C8orf34: variants seen among roughly 807,000 people sequenced by gnomAD.
C8orf34 encodes chromosome 8 open reading frame 34.
A neutral mutation model predicts 68.3 loss-of-function variants in C8orf34; 65 were observed. The observed-to-expected ratio is 0.95, with a 90% CI of 0.78 to 1.17. The LOEUF is 1.17. Among genes scored for constraint, C8orf34 ranks in the 50% most tolerant of loss-of-function variants. The pLI is 0.00. For synonymous variants in C8orf34, 244 were observed against 241.2 expected, an observed-to-expected ratio of 1.01 and a Z score of -0.11; for missense variants, 664 against 655.4, an observed-to-expected ratio of 1.01 and a Z score of -0.14.
At chr8:68,780,862 C>T (rs1823655191) in intron 11 of C8orf34, among the ~76,000 whole-genome samples, 2 of 152,106 alleles carry the variant, frequency 1.3e-5, no homozygotes, top group East Asian at 3.9e-4. Context: ...TAGCTGTGTA[C>T]ATAAAGGGAA....
chr8:68,608,926 G>A (rs927227499), intron 7 of C8orf34, among the ~76,000 whole-genome samples: 3 of 152,092 alleles, frequency 2.0e-5, no homozygotes, highest in Admixed American at 1.3e-4. Context: ...CCAGCATTTT[G>A]GGGGGCCAAG....
At chr8:68,810,508 T>A (rs2129529911) in intron 12 of C8orf34, among the ~76,000 whole-genome samples, 1 of 152,274 alleles carries the variant, frequency 6.6e-6, no homozygotes, top group South Asian at 2.1e-4. Context: ...TCCTTCTCTC[T>A]TCTCTACTTC....
intron 7 of C8orf34, among the ~76,000 whole-genome samples, chr8:68,581,474 G>C (rs532915777): frequency 1.3e-5 from 2 of 152,162 alleles, no homozygotes; most frequent in Non-Finnish European, 2.9e-5. Flanking sequence ...TATCCTTTCT[G>C]AATCTGCTGT....
intron 7 of C8orf34, among the ~76,000 whole-genome samples, chr8:68,596,278 C>T (rs1443028276): frequency 6.6e-6 from 1 of 152,084 alleles, no homozygotes; most frequent in African/African-American, 2.4e-5. Context: ...ACTACCCTTT[C>T]TCTCCGTCTC....
chr8:68,576,174 A>C (rs1816900921), intron 7 of C8orf34, among the ~76,000 whole-genome samples: 1 of 151,664 alleles, frequency 6.6e-6, no homozygotes, highest in Non-Finnish European at 1.5e-5. Context: ...ACACCCACAC[A>C]AACACATCAT....
At chr8:68,732,179 A>G (rs1234491803) in intron 10 of C8orf34, among the ~76,000 whole-genome samples, 1 of 152,228 alleles carries the variant, frequency 6.6e-6, no homozygotes, top group Non-Finnish European at 1.5e-5. Context: ...TATATGAACT[A>G]TTTTAAAGTT....
intron 7 of C8orf34, among the ~76,000 whole-genome samples, chr8:68,556,478 G>A (rs1816258137): frequency 6.6e-6 from 1 of 151,994 alleles, no homozygotes; most frequent in South Asian, 2.1e-4. Context: ...TGCTAACAGT[G>A]CAAACTCTGT....
intron 10 of C8orf34, among the ~76,000 whole-genome samples, chr8:68,772,113 G>T (rs1823357101): frequency 6.6e-6 from 1 of 152,146 alleles, no homozygotes; most frequent in African/African-American, 2.4e-5. Flanking sequence ...TTAAGAGAAT[G>T]CTCTGTAGGT....
intron 7 of C8orf34, among the ~76,000 whole-genome samples, chr8:68,637,220 T>C (rs1056148043): frequency 1.3e-5 from 2 of 152,192 alleles, no homozygotes; most frequent in African/African-American, 2.4e-5. Context: ...GTATCACTTA[T>C]AGTTTCTGCC....
At chr8:68,494,197 A>G (rs905883805) in intron 5 of C8orf34, among the ~76,000 whole-genome samples, 2 of 152,230 alleles carry the variant, frequency 1.3e-5, no homozygotes, top group African/African-American at 4.8e-5. Flanking sequence ...TCAGCCTTCA[A>G]AAAGAAGGTA....
chr8:68,616,126 C>T (rs1314626984), intron 7 of C8orf34, among the ~76,000 whole-genome samples: 5 of 151,098 alleles, frequency 3.3e-5, no homozygotes, highest in South Asian at 2.1e-4. Context: ...TCTGTGGGAT[C>T]GGTGGTGATA....
chr8:68,485,047 G>A (rs892345170), intron 4 of C8orf34, among the ~76,000 whole-genome samples: 2 of 152,148 alleles, frequency 1.3e-5, no homozygotes, highest in Admixed American at 6.5e-5. Flanking sequence ...GTTGTATTCT[G>A]GGGTCCATTA....
At chr8:68,785,675 C>T (rs1230933188) in intron 11 of C8orf34, among the ~76,000 whole-genome samples, 2 of 152,244 alleles carry the variant, frequency 1.3e-5, no homozygotes, top group African/African-American at 4.8e-5. Context: ...TTGGATTCCC[C>T]AACTTCCTAA....
chr8:68,420,560 C>G (rs1809921826), intron 1 of C8orf34, among the ~76,000 whole-genome samples: 1 of 151,682 alleles, frequency 6.6e-6, no homozygotes, highest in Admixed American at 6.6e-5. Flanking sequence ...TACACAAAAC[C>G]AGGTACAACA....
intron 4 of C8orf34, among the ~76,000 whole-genome samples, chr8:68,486,866 C>T (rs1813099700): frequency 6.6e-6 from 1 of 152,132 alleles, no homozygotes; most frequent in Non-Finnish European, 1.5e-5. Flanking sequence ...CCAAGTTCTC[C>T]TGGGCTTCAA....
intron 1 of C8orf34, among the ~76,000 whole-genome samples, chr8:68,373,756 A>G (rs80225328): frequency 2.4e-3 from 371 of 152,298 alleles, no homozygotes; most frequent in African/African-American, 8.3e-3. Context: ...GTTTATTATC[A>G]AATTAGACTC....
intron 7 of C8orf34, among the ~76,000 whole-genome samples, chr8:68,639,691 T>C (rs1359729138): frequency 6.6e-6 from 1 of 152,190 alleles, no homozygotes; most frequent in Non-Finnish European, 1.5e-5. Flanking sequence ...ATCATATACA[T>C]ATTGTAACAG....
At chr8:68,750,046 G>T (rs573558700) in intron 10 of C8orf34, among the ~76,000 whole-genome samples, 27 of 152,070 alleles carry the variant, frequency 1.8e-4, no homozygotes, top group Non-Finnish European at 3.5e-4. Flanking sequence ...TTTCTAGTTT[G>T]CAATTCTTAA....
At chr8:68,706,144 T>A (rs1306787222) in intron 8 of C8orf34, among the ~76,000 whole-genome samples, 2 of 152,216 alleles carry the variant, frequency 1.3e-5, no homozygotes. Context: ...TGATTTATAG[T>A]CACCAATCCT....
Sources: allele counts gnomAD v4.1 joint callset (sites outside exome capture counted in the v4.1 genomes callset), GRCh38; gene constraint gnomAD v4.1.1; transcripts MANE v1.5; gene names NCBI Gene and HGNC (gene_info 2026-07-23, HGNC 2026-07-21).